The following PLCL2 variants were observed in gnomAD, a reference collection of about 807,000 sequenced individuals.
PLCL2 encodes the protein inactive phospholipase C-like protein 2.
Under a neutral mutation model 79.6 loss-of-function variants are expected in PLCL2, and 4 were observed. That is an observed-to-expected ratio of 0.05 (90% CI 0.02 to 0.11). PLCL2 has a LOEUF of 0.11. Among genes scored for constraint, PLCL2 ranks in the 10% least tolerant of loss-of-function variants. The pLI, the probability that PLCL2 is intolerant of heterozygous loss-of-function variation, is 1.00. For synonymous variants in PLCL2, 484 were observed against 457.7 expected (o/e 1.06, Z -0.73); for missense variants, 895 against 1,291.0 (o/e 0.69, Z 4.70).
At chr3:16,966,112 G>A (rs1392426505) in intron 1 of PLCL2, among the ~76,000 whole-genome samples, 1 of 151,578 alleles carries the variant, frequency 6.6e-6, no homozygotes, top group Non-Finnish European at 1.5e-5. Flanking sequence ...CAAAGGGAAT[G>A]CTTCCAGTTT....
chr3:17,055,415 C>T (rs2124932356), intron 4 of PLCL2, among the ~76,000 whole-genome samples: 1 of 152,246 alleles, frequency 6.6e-6, no homozygotes, highest in Admixed American at 6.5e-5. Context: ...ACAAAGACAA[C>T]AACTAGGCCA....
chr3:16,954,965 A>G (rs554875302), intron 1 of PLCL2, among the ~76,000 whole-genome samples: 64 of 152,300 alleles, frequency 4.2e-4, no homozygotes, highest in African/African-American at 1.5e-3. Context: ...ATGTTCTCCC[A>G]TTCTGTAGGT....
At chr3:16,977,154 C>A (rs1405413600) in intron 1 of PLCL2, among the ~76,000 whole-genome samples, 1 of 152,152 alleles carries the variant, frequency 6.6e-6, no homozygotes, top group Non-Finnish European at 1.5e-5. Context: ...TATATATACA[C>A]ACATATATTT....
chr3:16,932,196 T>C (rs1697418892), intron 1 of PLCL2, among the ~76,000 whole-genome samples: 1 of 152,228 alleles, frequency 6.6e-6, no homozygotes, highest in African/African-American at 2.4e-5. Flanking sequence ...AATCTGAATT[T>C]ATATGTATTT....
chr3:16,962,209 A>G (rs2063761675), intron 1 of PLCL2, among the ~76,000 whole-genome samples: 1 of 152,218 alleles, frequency 6.6e-6, no homozygotes, highest in Non-Finnish European at 1.5e-5. Context: ...AGAACAGGTT[A>G]TTTTAAAAAA....
At chr3:17,079,026 G>A (rs2065135904) in intron 5 of PLCL2, among the ~76,000 whole-genome samples, 1 of 152,112 alleles carries the variant, frequency 6.6e-6, no homozygotes, top group Non-Finnish European at 1.5e-5. Flanking sequence ...CAAACATTGG[G>A]ACCCCACTCA....
rs1032175712 is a variant in PLCL2 at position 17,090,047 on chromosome 3, C to T, written c.*135C>T. On this transcript the variant is annotated 3_prime_UTR_variant, in exon 6 of 6. Coordinates refer to ENST00000615277, the MANE Select transcript of PLCL2 (RefSeq NM_001144382.2). ...CACAACTGGAATAGCTAATTACAGT[C>T]TATTAAAACTGTGAATGTATGTAGC... is the stretch of plus-strand genomic sequence containing the variant. 1.0e-4 allele frequency: 145 copies of T among 1,392,526 alleles called. No homozygotes were observed. The highest frequency in any genetic ancestry group is 1.3e-4 in the Non-Finnish European group (142 of 1,069,916). The allele number at this position is 1,392,526 out of a possible 1,614,324, so 86.3% of individuals were successfully genotyped here.
intron 1 of PLCL2, among the ~76,000 whole-genome samples, chr3:16,911,252 CAAAA>C (rs780366754): frequency 3.8e-4 from 21 of 55,988 alleles, no homozygotes; most frequent in South Asian, 5.7e-4. Flanking sequence ...GACTCTGTCT[CAAAA>C]AAAAAAAAAA....
chr3:16,908,909 G>A (rs767515290), intron 1 of PLCL2, among the ~76,000 whole-genome samples: 2 of 152,086 alleles, frequency 1.3e-5, no homozygotes, highest in Non-Finnish European at 2.9e-5. Context: ...GTGTAATTTG[G>A]AAAATTATGG....
chr3:16,918,965 T>C (rs772684228), intron 1 of PLCL2, among the ~76,000 whole-genome samples: 33 of 152,270 alleles, frequency 2.2e-4, no homozygotes, highest in Middle Eastern at 3.4e-3. Flanking sequence ...TAAATAGAAG[T>C]ACTTCAGGAA....
intron 1 of PLCL2, among the ~76,000 whole-genome samples, chr3:16,920,225 C>T (rs1697092296): frequency 1.3e-5 from 2 of 152,042 alleles, no homozygotes; most frequent in Admixed American, 1.3e-4. Context: ...ATCATGGATT[C>T]CAGATTCTGG....
intron 3 of PLCL2, among the ~76,000 whole-genome samples, chr3:17,041,578 A>G (rs1042569637): frequency 6.6e-6 from 1 of 152,186 alleles, no homozygotes; most frequent in Non-Finnish European, 1.5e-5. Context: ...GAATTATGCA[A>G]ATAATCCAAC....
intron 1 of PLCL2, among the ~76,000 whole-genome samples, chr3:16,948,438 A>G (rs1241461683): frequency 1.3e-5 from 2 of 152,172 alleles, no homozygotes; most frequent in Non-Finnish European, 2.9e-5. Flanking sequence ...ATGTACTAAA[A>G]TTGATTATGG....
chr3:17,011,671 A>G lies in PLCL2; in HGVS notation c.2325A>G (p.Lys775=). 1 of 1,614,156 alleles carries G rather than the reference A, an allele frequency of 6.2e-7. No individual in the cohort carries two copies. The highest frequency in any genetic ancestry group is 8.5e-7 in the Non-Finnish European group (1 of 1,180,026). Residue 775 remains lysine, a synonymous_variant, in exon 2 of 6, where the codon AAA becomes AAG. Transcript: ENST00000615277. This position sits in a 1 kb window ranked among gnomAD's most constrained non-coding sequence, Gnocchi z 7.9. ...NFPKPKGSGA[K]GDVVDPYVYV... ...CCAAGCCCAAAGGATCAGGTGCCAA[A>G]GGTGATGTGGTAGATCCTTATGTCT...
intron 1 of PLCL2, among the ~76,000 whole-genome samples, chr3:17,007,117 G>C (rs540343963): frequency 6.6e-6 from 1 of 152,268 alleles, no homozygotes; most frequent in East Asian, 1.9e-4. Context: ...CCCTAACTGA[G>C]TCAGTATGTT....
chr3:16,992,957 G>A (rs1347194956), intron 1 of PLCL2, among the ~76,000 whole-genome samples: 2 of 152,222 alleles, frequency 1.3e-5, no homozygotes, highest in African/African-American at 4.8e-5. Context: ...GGCCTGGGTA[G>A]CATGGACTCC....
rs1056023349 is a variant in PLCL2 at position 16,946,953 on chromosome 3, C to CTTTTTTTTTTT, written c.327+61597_327+61607dup. On this transcript the variant is annotated intron_variant, in intron 1 of 5. Coordinates refer to ENST00000615277, the MANE Select transcript of PLCL2 (RefSeq NM_001144382.2). ...ATGAATATAAAATTAAAGTTTCATT[C>CTTTTTTTTTTT]TTTTTTTTTTTTTTTTTTTTGAGAC... 1.8e-3 allele frequency among the ~76,000 whole-genome samples: 176 copies of CTTTTTTTTTTT among 95,388 alleles called. 14 individuals are homozygous for CTTTTTTTTTTT. The highest frequency in any genetic ancestry group is 3.4e-3 in the African/African-American group (78 of 23,028). 62.6% of individuals were successfully genotyped at this position (95,388 alleles called of 152,430 possible).
At chr3:17,036,702 G>A (rs2064659884) in intron 3 of PLCL2, among the ~76,000 whole-genome samples, 2 of 152,202 alleles carry the variant, frequency 1.3e-5, no homozygotes, top group Admixed American at 1.3e-4. Flanking sequence ...ACCCACCAGG[G>A]ACGTTGAGCT....
intron 1 of PLCL2, among the ~76,000 whole-genome samples, chr3:16,928,816 G>T (rs1697319048): frequency 6.6e-6 from 1 of 152,174 alleles, no homozygotes; most frequent in Non-Finnish European, 1.5e-5. Context: ...TAAATATTCG[G>T]TGATGCTATC....
Sources: gnomAD v4.1 joint callset for allele counts (sites outside exome capture counted in the v4.1 genomes callset) on GRCh38, gnomAD v4.1.1 for gene constraint, Gnocchi (gnomAD v3.1) non-coding constraint, MANE v1.5 for transcripts, NCBI Gene and HGNC (gene_info 2026-07-23, HGNC 2026-07-21) for gene names.